Variants in GRID1 observed in about 807,000 individuals in gnomAD.
The protein encoded by GRID1 is glutamate receptor ionotropic, delta-1.
GRID1 carries 28 observed loss-of-function variants against 98.0 expected under a neutral mutation model. The ratio of observed to expected loss-of-function variants is 0.29; its 90% CI spans 0.21 to 0.39. The LOEUF is 0.39. GRID1 is among the 10% of genes least tolerant of loss of function. The pLI is 1.00. For missense variants in GRID1, 1,111 were observed against 1,340.5 expected, an observed-to-expected ratio of 0.83 and a Z score of 2.67; for synonymous variants, 553 against 538.5, an observed-to-expected ratio of 1.03 and a Z score of -0.37.
At chr10:85,677,033 C>T (rs2132591402) in intron 12 of GRID1, among the ~76,000 whole-genome samples, 1 of 152,246 alleles carries the variant, frequency 6.6e-6, no homozygotes, top group African/African-American at 2.4e-5. Context: ...TTTTCAGCCC[C>T]TGTATTTGGA....
intron 2 of GRID1, among the ~76,000 whole-genome samples, chr10:86,214,863 C>T (rs1054244619): frequency 8.6e-5 from 13 of 151,984 alleles, no homozygotes; most frequent in African/African-American, 3.1e-4. Flanking sequence ...AGCAAGACTC[C>T]GTATCAAAAA....
chr10:85,877,665 T>C (rs993472406), intron 5 of GRID1, among the ~76,000 whole-genome samples: 32 of 150,420 alleles, frequency 2.1e-4, no homozygotes, highest in Non-Finnish European at 4.6e-4. Context: ...ACCACAAAGA[T>C]GGGGAAAAAA....
chr10:86,267,734 G>T (rs1253349843), intron 2 of GRID1, among the ~76,000 whole-genome samples: 2 of 152,146 alleles, frequency 1.3e-5, no homozygotes, highest in Non-Finnish European at 2.9e-5. Context: ...CCTTACTCCT[G>T]GCCCTGCCCA....
chr10:86,188,367 A>G (rs1037784159), intron 3 of GRID1, among the ~76,000 whole-genome samples: 3 of 152,168 alleles, frequency 2.0e-5, no homozygotes, highest in African/African-American at 7.2e-5. Flanking sequence ...TCATTCCCCA[A>G]CAAACCAGGC....
intron 6 of GRID1, among the ~76,000 whole-genome samples, chr10:85,863,354 C>A (rs74884993): frequency 3.1e-4 from 47 of 152,256 alleles, no homozygotes; most frequent in South Asian, 4.1e-4. Context: ...GGCTCCCCCC[C>A]TCATCACCTC....
At chr10:86,082,072 T>A (rs935256961) in intron 4 of GRID1, among the ~76,000 whole-genome samples, 2 of 152,248 alleles carry the variant, frequency 1.3e-5, no homozygotes, top group Admixed American at 1.3e-4. Flanking sequence ...ATATCAATAA[T>A]AGAGGAAATT....
At chr10:85,624,967 A>G (rs1842893531) in intron 13 of GRID1, among the ~76,000 whole-genome samples, 3 of 152,234 alleles carry the variant, frequency 2.0e-5, no homozygotes, top group Admixed American at 2.0e-4. Context: ...TGTAACAGAT[A>G]GTAATATAAA....
At chr10:85,956,089 C>T (rs1031257349) in intron 4 of GRID1, among the ~76,000 whole-genome samples, 2 of 152,196 alleles carry the variant, frequency 1.3e-5, no homozygotes, top group African/African-American at 4.8e-5. Flanking sequence ...ATGTCCAAGC[C>T]CCTGGGCAGC....
Position 85,698,028 on chromosome 10 carries a change from C to T in GRID1, c.1997+24975G>A, listed in dbSNP as rs1004022030. 1.1e-4 allele frequency among the ~76,000 whole-genome samples: 17 copies of T among 151,956 alleles called. 1 individual carries two copies. Among genetic ancestry groups the T allele is most frequent in the African/African-American group, 2.7e-4 (11 of 41,426 alleles). On this transcript the variant is annotated intron_variant, in intron 12 of 15. Transcript: ENST00000327946. The stretch of plus-strand genomic sequence containing the variant: ...CTAACTTGAATGGCTTGATGGTGTA[C>T]GGTGAGTATGTGAGGGTATAAAGTC...
chr10:85,924,895 G>A (rs1841753842), intron 4 of GRID1, among the ~76,000 whole-genome samples: 1 of 152,170 alleles, frequency 6.6e-6, no homozygotes, highest in African/African-American at 2.4e-5. Flanking sequence ...ACAGCCCCGG[G>A]GGAATGAAGA....
rs555176508 is a variant in GRID1, at chr10:85,746,418, G to A, written c.1234-16804C>T. ...TGCTCTTCTAGAAAGTGACCTTGTC[G>A]CTTCCACATTTACATACAAAGCCTA... is the stretch of plus-strand genomic sequence containing the variant. On this transcript the variant is annotated intron_variant, in intron 8 of 15. Transcript: ENST00000327946. Among the ~76,000 whole-genome samples the A allele has an allele frequency of 4.3e-4, 66 of 152,192 alleles. 1 individual carries two copies. The Middle Eastern group carries it at 0.01, about 24-fold the overall frequency.
chr10:85,916,148 A>G lies in GRID1; in HGVS notation c.780+38T>C, dbSNP rs750386589. The stretch of plus-strand genomic sequence containing the variant: ...GAGCTTTACAAGGGGCTAGGGGCTC[A>G]GTCCAGGCCGTGCTCATCACATTTC... On this transcript the variant is annotated intron_variant, in intron 5 of 15. Coordinates refer to ENST00000327946, the MANE Select transcript of GRID1 (RefSeq NM_017551.3). The surrounding 1 kb of genome is among the most constrained non-coding windows in gnomAD (Gnocchi z 4.0). The G allele has an allele frequency of 6.7e-7, 1 of 1,487,350 alleles. No homozygotes were observed. The highest frequency in any genetic ancestry group is 9.4e-7 in the Non-Finnish European group (1 of 1,064,632). The allele number at this position is 1,487,350 out of a possible 1,614,324, so 92.1% of individuals were successfully genotyped here. A position where few individuals can be genotyped will look rare whatever the true frequency, so the allele number is the denominator to read the frequency against.
intron 13 of GRID1, among the ~76,000 whole-genome samples, chr10:85,633,898 G>A (rs1413546132): frequency 2.6e-5 from 4 of 152,088 alleles, no homozygotes; most frequent in African/African-American, 4.8e-5. Flanking sequence ...AGGGCTGGGC[G>A]AGGTGGCTCA....
intron 13 of GRID1, among the ~76,000 whole-genome samples, chr10:85,629,045 G>T: frequency 6.6e-6 from 1 of 152,076 alleles, no homozygotes; most frequent in East Asian, 1.9e-4. Context: ...ACAACAGTAG[G>T]ACATGGCTCC....
chr10:85,680,471 A>C (rs958391769), intron 12 of GRID1, among the ~76,000 whole-genome samples: 2 of 152,242 alleles, frequency 1.3e-5, no homozygotes, highest in African/African-American at 4.8e-5. Flanking sequence ...GACCTAAAAA[A>C]TAGCAGATGC....
rs1902677 is a variant in GRID1, at chr10:86,291,657, G to A, written c.235+72284C>T. ...ACTCTCTCTGTTCATCTCAGCTGGT[G>A]CAAGATCACACAGCGCTAAGTCTCT... On this transcript the variant is annotated intron_variant, in intron 2 of 15. Coordinates refer to ENST00000327946, the MANE Select transcript of GRID1 (RefSeq NM_017551.3). Among the ~76,000 whole-genome samples, 644 of 152,284 alleles carry A rather than the reference G, an allele frequency of 4.2e-3. 19 individuals carry two copies. The highest frequency in any genetic ancestry group is 0.028 in the Admixed American group (424 of 15,294).
chr10:86,299,417 T>C (rs1013644509), intron 2 of GRID1, among the ~76,000 whole-genome samples: 4 of 151,692 alleles, frequency 2.6e-5, no homozygotes, highest in Non-Finnish European at 5.9e-5. Context: ...ATGTGCCATG[T>C]TGGTGTGCTG....
chr10:86,305,927 C>T (rs956778443), intron 2 of GRID1, among the ~76,000 whole-genome samples: 1 of 152,212 alleles, frequency 6.6e-6, no homozygotes, highest in Non-Finnish European at 1.5e-5. Flanking sequence ...TTCTGAAGAC[C>T]TTGATACAAG....
chr10:86,120,111 T>A (rs1844644458), intron 4 of GRID1, among the ~76,000 whole-genome samples: 1 of 152,158 alleles, frequency 6.6e-6, no homozygotes, highest in South Asian at 2.1e-4. Flanking sequence ...CTCCCACTGT[T>A]TTAAGGACTG....
Sources: allele counts gnomAD v4.1 joint callset (sites outside exome capture counted in the v4.1 genomes callset), GRCh38; gene constraint gnomAD v4.1.1; non-coding constraint Gnocchi (gnomAD v3.1); transcripts MANE v1.5; gene names NCBI Gene and HGNC (gene_info 2026-07-23, HGNC 2026-07-21).